Variants in PRKN observed in about 807,000 individuals in gnomAD.
The protein encoded by PRKN is E3 ubiquitin-protein ligase parkin.
PRKN carries 56 observed loss-of-function variants against 59.5 expected under a neutral mutation model. The observed-to-expected ratio is 0.94, with a 90% CI of 0.76 to 1.18. The LOEUF is 1.18. Among genes scored for constraint, PRKN ranks in the 50% most tolerant of loss-of-function variants. The probability of loss-of-function intolerance (pLI) is 0.00; values close to 1 mark genes in which losing one functional copy is unlikely to be tolerated. For synonymous variants in PRKN, 250 were observed against 222.1 expected (o/e 1.13, Z -1.12); for missense variants, 657 against 596.4 (o/e 1.10, Z -1.06).
At chr6:162,474,325 G>A (rs1039051366) in intron 1 of PRKN, among the ~76,000 whole-genome samples, 1 of 152,138 alleles carries the variant, frequency 6.6e-6, no homozygotes, top group Non-Finnish European at 1.5e-5. Context: ...TAATCTACAT[G>A]TATTTAATTC....
At chr6:162,474,843 G>A (rs573465342) in intron 1 of PRKN, among the ~76,000 whole-genome samples, 28 of 152,226 alleles carry the variant, frequency 1.8e-4, no homozygotes, top group Non-Finnish European at 2.8e-4. Flanking sequence ...CTAGGCTTTG[G>A]GGTATAGGCA....
At position 161,444,184 on chromosome 6, in the gene PRKN, C is replaced by T. The variant is rs972255358; in HGVS notation, c.1084-57307G>A. On this transcript the variant is annotated intron_variant, in intron 9 of 11. Transcript: ENST00000366898. The surrounding 1 kb of genome is among the most constrained non-coding windows in gnomAD (Gnocchi z 5.6). Reference sequence around the variant, plus strand: ...CTGCAGATACCACTTCTCCAGGACCCATCCCAGGGCAGCTTCATGGGATGG... The same window carrying T: ...CTGCAGATACCACTTCTCCAGGACCTATCCCAGGGCAGCTTCATGGGATGG... Among the ~76,000 whole-genome samples the T allele has an allele frequency of 1.3e-5, 2 of 152,340 alleles. No individual in the cohort carries two copies. The highest frequency in any genetic ancestry group is 1.9e-4 in the East Asian group (1 of 5,168).
chr6:162,198,119 A>C (rs866751434), intron 4 of PRKN, among the ~76,000 whole-genome samples: 1 of 152,210 alleles, frequency 6.6e-6, no homozygotes, highest in Admixed American at 6.5e-5. Flanking sequence ...ACTTCAGAGA[A>C]GGGTCAATGA....
rs963922028 is a variant in PRKN, at chr6:161,475,759, G to A, written c.1083+73095C>T. 1.3e-5 allele frequency among the ~76,000 whole-genome samples: 2 copies of A among 152,172 alleles called. No individual in the cohort carries two copies. The highest frequency in any genetic ancestry group is 2.9e-5 in the Non-Finnish European group (2 of 68,038). ...CAAAGTGCTGGGATTACAGGCAAGG[G>A]CCACTGTTCCTGGCCTGACTTGTTA... is the stretch of plus-strand genomic sequence containing the variant. On this transcript the variant is annotated intron_variant, in intron 9 of 11. Transcript: ENST00000366898. This position sits in a 1 kb window ranked among gnomAD's most constrained non-coding sequence, Gnocchi z 5.3.
intron 1 of PRKN, among the ~76,000 whole-genome samples, chr6:162,653,520 G>A (rs1429399348): frequency 6.6e-6 from 1 of 152,016 alleles, no homozygotes; most frequent in Non-Finnish European, 1.5e-5. Context: ...AGACAAAATG[G>A]GTAAATAAAC....
At chr6:162,605,346 C>T (rs4708970) in intron 1 of PRKN, among the ~76,000 whole-genome samples, 31,485 of 151,946 alleles carry the variant, frequency 0.21, 3,623 homozygotes, top group East Asian at 0.5. Flanking sequence ...TTCAAATTAC[C>T]GACAATGTTA....
intron 9 of PRKN, among the ~76,000 whole-genome samples, chr6:161,434,665 T>C (rs937273264): frequency 1.3e-5 from 2 of 152,204 alleles, no homozygotes; most frequent in Admixed American, 6.5e-5. Flanking sequence ...TTTTCTCATT[T>C]GTAAAATGAG....
intron 1 of PRKN, among the ~76,000 whole-genome samples, chr6:162,462,722 C>A (rs1322024507): frequency 2.6e-5 from 4 of 152,218 alleles, no homozygotes; most frequent in African/African-American, 9.6e-5. Flanking sequence ...TACGGATCCA[C>A]CAGATAATTT....
chr6:162,341,235 A>C (rs1430886623), intron 2 of PRKN, among the ~76,000 whole-genome samples: 1 of 152,164 alleles, frequency 6.6e-6, no homozygotes, highest in Non-Finnish European at 1.5e-5. Context: ...TAGAATGGGG[A>C]TCATTAAAAA....
chr6:162,502,306 G>A (rs1036742833), intron 1 of PRKN, among the ~76,000 whole-genome samples: 6 of 152,248 alleles, frequency 3.9e-5, no homozygotes, highest in Non-Finnish European at 7.4e-5. Flanking sequence ...GACCAGAGGT[G>A]TGCACCACCA....
intron 3 of PRKN, among the ~76,000 whole-genome samples, chr6:162,241,883 G>A (rs1419204988): frequency 5.3e-5 from 8 of 151,992 alleles, no homozygotes; most frequent in Non-Finnish European, 1.0e-4. Context: ...TTCTAGTAAA[G>A]TAGAATTCCT....
intron 9 of PRKN, among the ~76,000 whole-genome samples, chr6:161,421,246 T>A (rs530313759): frequency 6.6e-6 from 1 of 152,270 alleles, no homozygotes; most frequent in Admixed American, 6.5e-5. Context: ...TACTTAAGTA[T>A]TAATTGAAAC....
chr6:161,734,240 C>G (rs1236031399), intron 7 of PRKN, among the ~76,000 whole-genome samples: 1 of 152,116 alleles, frequency 6.6e-6, no homozygotes, highest in Non-Finnish European at 1.5e-5. Flanking sequence ...CATTTTCCAG[C>G]CCATACAAAG....
intron 1 of PRKN, among the ~76,000 whole-genome samples, chr6:162,554,144 C>A (rs1313606259): frequency 6.6e-6 from 1 of 152,146 alleles, no homozygotes. Flanking sequence ...TGAAGATGAG[C>A]AGATCAATGA....
At position 162,011,132 on chromosome 6, in the gene PRKN, T is replaced by C. The variant is rs1281048490; in HGVS notation, c.619-37715A>G. On this transcript the variant is annotated intron_variant, in intron 5 of 11. Transcript: ENST00000366898. ...TAATATATAATATATTTATAATATA[T>C]AATTATAATATATATTATAATATAT... is the stretch of plus-strand genomic sequence containing the variant. Among the ~76,000 whole-genome samples, 8 of 4,294 alleles carry C rather than the reference T, an allele frequency of 1.9e-3. 2 individuals are homozygous for C. Among genetic ancestry groups the C allele is most frequent in the African/African-American group, 0.016 (8 of 486 alleles). 2.8% of individuals were successfully genotyped at this position (4,294 alleles called of 152,430 possible). A position where few individuals can be genotyped will look rare whatever the true frequency, so the allele number is the denominator to read the frequency against.
chr6:161,477,735 T>C (rs1370418744), intron 9 of PRKN, among the ~76,000 whole-genome samples: 1 of 152,186 alleles, frequency 6.6e-6, no homozygotes, highest in Non-Finnish European at 1.5e-5. Context: ...ATTAAATAGA[T>C]ACATCATGTT....
At chr6:161,513,855 T>C (rs1367558875) in intron 9 of PRKN, among the ~76,000 whole-genome samples, 1 of 152,146 alleles carries the variant, frequency 6.6e-6, no homozygotes, top group Non-Finnish European at 1.5e-5. Flanking sequence ...ATTATTTAAC[T>C]TTCCTGACCT....
intron 2 of PRKN, among the ~76,000 whole-genome samples, chr6:162,386,382 T>C (rs1266220302): frequency 2.0e-5 from 3 of 152,254 alleles, no homozygotes; most frequent in Non-Finnish European, 4.4e-5. Flanking sequence ...TTTTTAACCC[T>C]ATAGTTTATG....
intron 2 of PRKN, among the ~76,000 whole-genome samples, chr6:162,375,287 A>G (rs549656991): frequency 3.8e-4 from 58 of 151,890 alleles, no homozygotes; most frequent in African/African-American, 1.4e-3. Context: ...TGTGAGCCAC[A>G]GTGATGAGTA....
Sources: allele counts gnomAD v4.1 joint callset (sites outside exome capture counted in the v4.1 genomes callset), GRCh38; gene constraint gnomAD v4.1.1; non-coding constraint Gnocchi (gnomAD v3.1); transcripts MANE v1.5; gene names NCBI Gene and HGNC (gene_info 2026-07-23, HGNC 2026-07-21).